DLGAP1: variants seen among roughly 807,000 people sequenced by gnomAD.
The protein encoded by DLGAP1 is DLG associated protein 1, also known as disks large-associated protein 1.
Under a neutral mutation model 90.8 loss-of-function variants are expected in DLGAP1, and 11 were observed. The observed-to-expected ratio is 0.12, with a 90% CI of 0.08 to 0.20. DLGAP1 has a LOEUF of 0.20. DLGAP1 is among the 10% of genes least tolerant of loss of function. DLGAP1 has a pLI of 1.00. For synonymous variants in DLGAP1, 558 were observed against 540.7 expected (o/e 1.03, Z -0.44); for missense variants, 1,050 against 1,333.8 (o/e 0.79, Z 3.31).
intron 4 of DLGAP1, among the ~76,000 whole-genome samples, chr18:3,842,827 C>T (rs577306974): frequency 3.6e-4 from 54 of 152,100 alleles, no homozygotes; most frequent in South Asian, 1.7e-3. Flanking sequence ...TTTTTGTAAC[C>T]TCGATATCTT....
At chr18:4,180,282 T>C (rs2077184651) in intron 1 of DLGAP1, among the ~76,000 whole-genome samples, 1 of 152,170 alleles carries the variant, frequency 6.6e-6, no homozygotes, top group African/African-American at 2.4e-5. Flanking sequence ...GTTACACTCA[T>C]CCAGCAGAGT....
intron 2 of DLGAP1, among the ~76,000 whole-genome samples, chr18:4,109,940 A>G (rs2075943185): frequency 6.6e-6 from 1 of 151,898 alleles, no homozygotes; most frequent in Admixed American, 6.6e-5. Context: ...TGTGAAATAT[A>G]TATATTCATA....
At chr18:4,429,729 A>G (rs2083241013) in intron 1 of DLGAP1, among the ~76,000 whole-genome samples, 1 of 152,170 alleles carries the variant, frequency 6.6e-6, no homozygotes, top group East Asian at 1.9e-4. Context: ...TTATCATGAA[A>G]CAGGCATAAA....
intron 8 of DLGAP1, among the ~76,000 whole-genome samples, chr18:3,574,876 A>T (rs11872838): frequency 0.39 from 57,866 of 148,324 alleles, 12,163 homozygotes; most frequent in East Asian, 0.82. Context: ...GTGCAGTGGC[A>T]CAATCTTGGC....
At chr18:4,285,653 CA>C in intron 1 of DLGAP1, among the ~76,000 whole-genome samples, 1 of 152,244 alleles carries the variant, frequency 6.6e-6, no homozygotes, top group African/African-American at 2.4e-5. Flanking sequence ...AGATTATAGA[CA>C]AAGGGAAATG....
At chr18:3,787,959 T>A (rs1282851832) in intron 5 of DLGAP1, among the ~76,000 whole-genome samples, 1 of 152,200 alleles carries the variant, frequency 6.6e-6, no homozygotes, top group African/African-American at 2.4e-5. Flanking sequence ...TGGACTTATA[T>A]CACAGGAAGA....
rs752035384 is a variant in DLGAP1, at chr18:3,534,435, G to A, written c.2238C>T (p.Asn746=). The change falls in exon 10 of 13, where the codon AAC becomes AAT. Residue 746 remains asparagine (N), a synonymous_variant. Coordinates refer to ENST00000315677, the MANE Select transcript of DLGAP1 (RefSeq NM_004746.4). ...CATCGGCGGCACAGGCATGGTAATG[G>A]TTTCCTGAGCCCTGAATGCTGACTG... ...TSTVSIQGSG[N]HYHACAADDD... The A allele has an allele frequency of 1.9e-6, 3 of 1,614,060 alleles. No homozygotes were observed. In the African/African-American group the frequency reaches 4.0e-5, roughly 22 times the overall value.
At chr18:3,949,476 C>T (rs911961560) in intron 3 of DLGAP1, among the ~76,000 whole-genome samples, 2 of 152,120 alleles carry the variant, frequency 1.3e-5, no homozygotes, top group Non-Finnish European at 2.9e-5. Context: ...TGTAGGCTTC[C>T]TGCTGCTAAT....
chr18:3,685,138 A>C (rs751411720), intron 7 of DLGAP1, among the ~76,000 whole-genome samples: 38 of 152,194 alleles, frequency 2.5e-4, no homozygotes, highest in Non-Finnish European at 4.1e-4. Context: ...TTATTGCCTT[A>C]ATAAGGTTTT....
intron 1 of DLGAP1, among the ~76,000 whole-genome samples, chr18:4,362,547 T>C (rs1414789906): frequency 1.3e-5 from 2 of 151,882 alleles, no homozygotes; most frequent in Non-Finnish European, 1.5e-5. Context: ...AGACAGAAAG[T>C]AGAATGGTGG....
In DLGAP1 at chr18:3,814,239, C is replaced by G. The variant is rs751203459; in HGVS notation, c.992G>C (p.Arg331Pro). ...PQDEWTGYTP[R>P]GKDDEIPCRR... ...GCATGGAATTTCATCATCTTTACCT[C>G]GTGGGGTGTACCCTGTCCATTCATC... The change falls in exon 5 of 13, where the codon CGA (arginine) becomes CCA (proline). Residue 331 changes from arginine (R) to proline (P), a missense_variant. Physicochemically the swap from Arg to Pro is moderately radical, Grantham distance 103. Around this residue, in one of 2 missense-constraint regions of DLGAP1, gnomAD observed 565 missense variants for 879.7 expected, o/e 0.64. Coordinates refer to ENST00000315677, the MANE Select transcript of DLGAP1 (RefSeq NM_004746.4). 6.2e-7 allele frequency: 1 copy of G among 1,614,128 alleles called. No homozygotes were observed. The highest frequency in any genetic ancestry group is 2.2e-5 in the East Asian group (1 of 44,884).
At chr18:4,045,349 C>T (rs185667116) in intron 2 of DLGAP1, among the ~76,000 whole-genome samples, 3 of 146,582 alleles carry the variant, frequency 2.0e-5, no homozygotes, top group African/African-American at 5.0e-5. Context: ...ATCATTGGCT[C>T]CCAATTTCTA....
chr18:3,508,695 T>C (rs1470164338), intron 10 of DLGAP1, 34 bp from the exon 11 acceptor site: 1 of 1,530,100 alleles, frequency 6.5e-7, no homozygotes, highest in Non-Finnish European at 9.0e-7. Context: ...AATTTACACA[T>C]CATGCTTCAT....
chr18:4,048,890 G>T (rs2075093171), intron 2 of DLGAP1, among the ~76,000 whole-genome samples: 1 of 152,170 alleles, frequency 6.6e-6, no homozygotes, highest in Non-Finnish European at 1.5e-5. Flanking sequence ...TCTATCTTTT[G>T]CAAGTCATTA....
rs1187729099 is a variant in DLGAP1 at position 4,378,796 on chromosome 18, C to A, written c.-267+76210G>T. 6.6e-6 allele frequency among the ~76,000 whole-genome samples: 1 copy of A among 152,112 alleles called. No homozygotes were observed. The highest frequency in any genetic ancestry group is 1.5e-5 in the Non-Finnish European group (1 of 67,998). On this transcript the variant is annotated intron_variant, in intron 1 of 12. Coordinates refer to ENST00000315677, the MANE Select transcript of DLGAP1 (RefSeq NM_004746.4). This position sits in a 1 kb window ranked among gnomAD's most constrained non-coding sequence, Gnocchi z 4.5. The stretch of plus-strand genomic sequence containing the variant: ...TTCCCTCCTAACAGCTTGGTTGTGT[C>A]ACAGTTCCATAAACACCATTCCATG...
intron 1 of DLGAP1, among the ~76,000 whole-genome samples, chr18:4,315,680 T>C (rs150311121): frequency 6.6e-6 from 1 of 152,326 alleles, no homozygotes; most frequent in Non-Finnish European, 1.5e-5. Context: ...CTTAAACTAA[T>C]GAAAGCTAAT....
At chr18:3,532,578 C>CAAA (rs376318276) in intron 10 of DLGAP1, among the ~76,000 whole-genome samples, 1 of 86,346 alleles carries the variant, frequency 1.2e-5, no homozygotes. Flanking sequence ...AACTCCATCT[C>CAAA]AAAAAAAAAA....
intron 3 of DLGAP1, among the ~76,000 whole-genome samples, chr18:4,004,229 T>C (rs1473127303): frequency 6.6e-6 from 1 of 152,228 alleles, no homozygotes; most frequent in Non-Finnish European, 1.5e-5. Context: ...TGAAGGATCA[T>C]AGGAATTGAG....
At chr18:4,366,838 C>CA (rs1418092796) in intron 1 of DLGAP1, among the ~76,000 whole-genome samples, 4 of 151,412 alleles carry the variant, frequency 2.6e-5, no homozygotes, top group East Asian at 3.9e-4. Flanking sequence ...AGGCTGTATC[C>CA]AAAAAATCAA....
Sources: allele counts gnomAD v4.1 joint callset (sites outside exome capture counted in the v4.1 genomes callset), GRCh38; gene constraint gnomAD v4.1.1; regional missense constraint gnomAD v4.1.1; non-coding constraint Gnocchi (gnomAD v3.1); transcripts MANE v1.5; gene names NCBI Gene and HGNC (gene_info 2026-07-23, HGNC 2026-07-21).